The following KLF8 variants were observed in gnomAD, a reference collection of about 807,000 sequenced individuals.
KLF8 encodes KLF transcription factor 8, also known as Krueppel-like factor 8.
In KLF8, 10 loss-of-function variants were observed where a neutral mutation model predicts 18.2. The observed-to-expected ratio is 0.55, with a 90% confidence interval of 0.34 to 0.93. KLF8 has a LOEUF of 0.93. KLF8 is among the 40% of genes least tolerant of loss of function. The pLI, the probability that KLF8 is intolerant of heterozygous loss-of-function variation, is 0.02. For synonymous variants in KLF8, 109 were observed against 97.3 expected, an observed-to-expected ratio of 1.12 and a Z score of -0.71; for missense variants, 264 against 277.9, an observed-to-expected ratio of 0.95 and a Z score of 0.36.
chrX:56,083,298 T>A, the KLF8 span, among the ~76,000 whole-genome samples: 1 of 112,347 alleles, frequency 8.9e-6, no homozygotes, highest in African/African-American at 3.2e-5. Flanking sequence ...CATTTAATAT[T>A]TGGTTTATAA....
intron 2 of KLF8, among the ~76,000 whole-genome samples, chrX:56,264,539 A>G (rs1360964542): frequency 2.7e-5 from 3 of 110,616 alleles, no homozygotes; most frequent in African/African-American, 9.9e-5. Flanking sequence ...GCAGAGTTCA[A>G]TTTTGCATAT....
the KLF8 span, among the ~76,000 whole-genome samples, chrX:56,081,613 T>C: frequency 1.8e-5 from 2 of 112,110 alleles, no homozygotes; most frequent in African/African-American, 6.5e-5. Flanking sequence ...GCTATGAATT[T>C]TTTACAAATG....
At chrX:55,990,040 G>T in the KLF8 span, among the ~76,000 whole-genome samples, 13 of 110,936 alleles carry the variant, frequency 1.2e-4, no homozygotes, top group East Asian at 2.8e-4. Flanking sequence ...CTGTGGGATC[G>T]GTGGTGATAT....
At chrX:56,046,287 G>A in the KLF8 span, among the ~76,000 whole-genome samples, 1 of 111,267 alleles carries the variant, frequency 9.0e-6, no homozygotes, top group Admixed American at 9.6e-5. Context: ...TGATCATCAG[G>A]CATATTAGCC....
chrX:56,060,359 A>G, the KLF8 span, among the ~76,000 whole-genome samples: 27 of 111,706 alleles, frequency 2.4e-4, no homozygotes, highest in Non-Finnish European at 4.3e-4. Flanking sequence ...GATACTTTCC[A>G]TCAATACCCA....
chrX:56,258,479 G>A (rs2066833725), intron 2 of KLF8, among the ~76,000 whole-genome samples: 1 of 111,967 alleles, frequency 8.9e-6, no homozygotes, highest in African/African-American at 3.2e-5. Flanking sequence ...GTTTCACCAT[G>A]TTAGCCAGGA....
intron 2 of KLF8, among the ~76,000 whole-genome samples, chrX:56,261,600 A>G (rs2066883518): frequency 9.0e-6 from 1 of 111,140 alleles, no homozygotes; most frequent in Non-Finnish European, 1.9e-5. Flanking sequence ...TTCTAGGGAC[A>G]AAAACTCACT....
the KLF8 span, among the ~76,000 whole-genome samples, chrX:55,997,802 G>C: frequency 8.9e-6 from 1 of 111,771 alleles, no homozygotes; most frequent in African/African-American, 3.3e-5. Flanking sequence ...ACACCTGTGG[G>C]TGTTTCTCAT....
intron 3 of KLF8, chrX:56,266,367 C>T: frequency 1.4e-6 from 1 of 734,512 alleles, no homozygotes; most frequent in African/African-American, 2.3e-5. Flanking sequence ...ATTTATTTGC[C>T]TGTATCACAA....
the KLF8 span, among the ~76,000 whole-genome samples, chrX:56,147,625 G>T: frequency 8.9e-6 from 1 of 111,962 alleles, no homozygotes; most frequent in African/African-American, 3.2e-5. Context: ...TTAGAGAAGG[G>T]TAAGCAGTGA....
the KLF8 span, among the ~76,000 whole-genome samples, chrX:56,133,942 G>A: frequency 9.1e-6 from 1 of 109,853 alleles, no homozygotes; most frequent in Non-Finnish European, 1.9e-5. Context: ...AAAATACTTA[G>A]GAATATACCT....
At chrX:56,091,979 GTTT>G in the KLF8 span, among the ~76,000 whole-genome samples, 7 of 81,070 alleles carry the variant, frequency 8.6e-5, no homozygotes, top group African/African-American at 3.0e-4. Context: ...AACATCTATT[GTTT>G]TTTTTTTTTT....
chrX:56,141,307 T>C, the KLF8 span, among the ~76,000 whole-genome samples: 4 of 111,850 alleles, frequency 3.6e-5, no homozygotes, highest in African/African-American at 1.3e-4. Context: ...ACTCAGGTCA[T>C]TTATATTTTC....
the KLF8 span, among the ~76,000 whole-genome samples, chrX:55,996,664 C>CT: frequency 8.9e-6 from 1 of 111,829 alleles, no homozygotes; most frequent in East Asian, 2.8e-4. Flanking sequence ...GCTGCATACT[C>CT]TAATTCTGGG....
chrX:56,066,349 G>T, the KLF8 span, among the ~76,000 whole-genome samples: 2 of 112,197 alleles, frequency 1.8e-5, no homozygotes, highest in Admixed American at 9.4e-5. Flanking sequence ...GCATAGTTGG[G>T]CCAGATGGGC....
chrX:56,087,724 G>A, the KLF8 span, among the ~76,000 whole-genome samples: 1 of 112,003 alleles, frequency 8.9e-6, no homozygotes, highest in Admixed American at 9.5e-5. Flanking sequence ...GGCATTTTCT[G>A]TGAACAGTTA....
chrX:56,119,122 G>A, the KLF8 span, among the ~76,000 whole-genome samples: 1,243 of 111,614 alleles, frequency 0.011, 11 homozygotes, highest in African/African-American at 0.039. Flanking sequence ...AAGAGAGGAG[G>A]CCTGTATGTG....
chrX:56,013,195 A>T, the KLF8 span, among the ~76,000 whole-genome samples: 1 of 112,837 alleles, frequency 8.9e-6, no homozygotes, highest in East Asian at 2.8e-4. Flanking sequence ...TTATTTTGGA[A>T]CTTTAAGGTT....
the KLF8 span, among the ~76,000 whole-genome samples, chrX:56,160,207 G>A: frequency 4.5e-5 from 5 of 111,908 alleles, no homozygotes; most frequent in Non-Finnish European, 9.4e-5. Flanking sequence ...TTTTGAGTGA[G>A]TTTCTTAATC....
Sources: allele counts gnomAD v4.1 joint callset (sites outside exome capture counted in the v4.1 genomes callset), GRCh38; gene constraint gnomAD v4.1.1; transcripts MANE v1.5; gene names NCBI Gene and HGNC (gene_info 2026-07-23, HGNC 2026-07-21).